MRTFB: variants seen among roughly 807,000 people sequenced by gnomAD.
MRTFB encodes the protein myocardin related transcription factor B.
Under a neutral mutation model 104.2 loss-of-function variants are expected in MRTFB, and 29 were observed. The observed-to-expected ratio is 0.28, with a 90% CI of 0.21 to 0.38. The LOEUF (loss-of-function observed/expected upper bound fraction) is 0.38. Among genes scored for constraint, MRTFB ranks in the 10% least tolerant of loss-of-function variants. MRTFB has a pLI of 1.00. For synonymous variants in MRTFB, 535 were observed against 519.5 expected (o/e 1.03, Z -0.41); for missense variants, 1,270 against 1,341.6 (o/e 0.95, Z 0.83).
chr16:14,129,547 C>G (rs139999793), intron 2 of MRTFB, among the ~76,000 whole-genome samples: 1 of 152,220 alleles, frequency 6.6e-6, no homozygotes, highest in African/African-American at 2.4e-5. Context: ...TTTTATTTCT[C>G]TTTGGTAGAT....
At chr16:14,097,562 T>A (rs1411394581) in intron 2 of MRTFB, among the ~76,000 whole-genome samples, 2 of 152,244 alleles carry the variant, frequency 1.3e-5, no homozygotes, top group African/African-American at 2.4e-5. Flanking sequence ...ACTGTTCTTT[T>A]TGTAAACAGC....
chr16:14,186,623 G>A, intron 3 of MRTFB: 2 of 1,052,620 alleles, frequency 1.9e-6, no homozygotes, highest in Non-Finnish European at 2.4e-6. Context: ...GGGAAAGGGG[G>A]CTGGCTGGGA....
In MRTFB at chr16:14,258,172, A is replaced by T; in HGVS notation, c.2764+11A>T. The T allele has an allele frequency of 6.2e-7, 1 of 1,611,932 alleles. No homozygotes were observed. The highest frequency in any genetic ancestry group is 1.3e-5 in the African/African-American group (1 of 75,016). Reference sequence around the variant, plus strand: ...TCATTAAGAGTGGAGGTAAGTCAAAAGTCACATCAGATCCTCCCAGGAAGT... The same window carrying T: ...TCATTAAGAGTGGAGGTAAGTCAAATGTCACATCAGATCCTCCCAGGAAGT... On this transcript the variant is annotated intron_variant, in intron 16 of 16. Transcript: ENST00000571589.
the MRTFB span, among the ~76,000 whole-genome samples, chr16:14,006,971 C>T: frequency 2.6e-5 from 4 of 151,956 alleles, no homozygotes; most frequent in South Asian, 4.2e-4. Context: ...GAGCTATGAT[C>T]GCACCACTGC....
the MRTFB span, among the ~76,000 whole-genome samples, chr16:14,052,838 C>G: frequency 6.6e-6 from 1 of 152,032 alleles, no homozygotes; most frequent in Admixed American, 6.6e-5. Flanking sequence ...TTCTTTCTAT[C>G]TAACTTTATG....
rs971377109 is a variant in MRTFB at position 14,232,687 on chromosome 16, G to A, written c.694-1459G>A. Among the ~76,000 whole-genome samples, 29 of 152,278 alleles carry A rather than the reference G, an allele frequency of 1.9e-4. No individual in the cohort carries two copies. The Middle Eastern group carries it at 0.014, about 71-fold the overall frequency. ...ATTAATTGCACACTCGCACACCCAC[G>A]GTCTCAGCGGGGCTTGAGAACGTGA... is the stretch of plus-strand genomic sequence containing the variant. On this transcript the variant is annotated intron_variant, in intron 8 of 16. Coordinates refer to ENST00000571589, the MANE Select transcript of MRTFB (RefSeq NM_001308142.2).
At chr16:14,181,660 A>G (rs2039774855) in intron 3 of MRTFB, among the ~76,000 whole-genome samples, 1 of 152,190 alleles carries the variant, frequency 6.6e-6, no homozygotes, top group Non-Finnish European at 1.5e-5. Context: ...ATGTTTTTAC[A>G]TTGTGAAACA....
At chr16:14,255,439 CTATGAAAACTGGAAG>C (rs2043437180) in intron 15 of MRTFB, among the ~76,000 whole-genome samples, 2 of 152,298 alleles carry the variant, frequency 1.3e-5, no homozygotes, top group South Asian at 4.1e-4. Flanking sequence ...TCATCAAAAA[CTATGAAAACTGGAAG>C]AGTGCAACAG....
intron 8 of MRTFB, among the ~76,000 whole-genome samples, chr16:14,226,112 G>C (rs924346678): frequency 6.6e-6 from 1 of 152,150 alleles, no homozygotes; most frequent in African/African-American, 2.4e-5. Context: ...GACATCCTGT[G>C]TTCATGGAAG....
At chr16:14,027,502 T>C in the MRTFB span, among the ~76,000 whole-genome samples, 1 of 152,190 alleles carries the variant, frequency 6.6e-6, no homozygotes, top group Non-Finnish European at 1.5e-5. Context: ...TTCAGAGTAC[T>C]GTATGCTAAA....
At chr16:14,129,461 G>C (rs1401118256) in intron 2 of MRTFB, among the ~76,000 whole-genome samples, 1 of 152,154 alleles carries the variant, frequency 6.6e-6, no homozygotes, top group Non-Finnish European at 1.5e-5. Flanking sequence ...ACTAGTTGAT[G>C]AACATTTAAT....
chr16:14,147,844 AATTAACACATTT>A (rs1430055344), intron 3 of MRTFB, among the ~76,000 whole-genome samples: 1 of 152,230 alleles, frequency 6.6e-6, no homozygotes, highest in African/African-American at 2.4e-5. Flanking sequence ...GAGGCATCAT[AATTAACACATTT>A]ATTAACAGTA....
the MRTFB span, among the ~76,000 whole-genome samples, chr16:14,058,712 GTTTTTTT>G: frequency 8.1e-5 from 7 of 86,848 alleles, no homozygotes; most frequent in African/African-American, 3.0e-4. Flanking sequence ...ATTTGTATTT[GTTTTTTT>G]TTTTTTTTTT....
chr16:14,180,582 A>C (rs1465398353), intron 3 of MRTFB, among the ~76,000 whole-genome samples: 1 of 152,200 alleles, frequency 6.6e-6, no homozygotes, highest in Non-Finnish European at 1.5e-5. Context: ...AAGTGTAGTC[A>C]GAACACTTGT....
At chr16:14,002,369 C>G in the MRTFB span, among the ~76,000 whole-genome samples, 6 of 150,048 alleles carry the variant, frequency 4.0e-5, no homozygotes, top group Admixed American at 4.0e-4. Flanking sequence ...GGTGACAGAG[C>G]AAGACTCCGT....
the MRTFB span, among the ~76,000 whole-genome samples, chr16:14,057,207 G>T: frequency 6.6e-6 from 1 of 152,132 alleles, no homozygotes; most frequent in South Asian, 2.1e-4. Flanking sequence ...GCCAAAAAAT[G>T]AGTCAGTTGA....
the MRTFB span, among the ~76,000 whole-genome samples, chr16:14,045,929 G>A: frequency 1.3e-5 from 2 of 152,148 alleles, no homozygotes; most frequent in East Asian, 3.9e-4. Context: ...TTGGTAAAGT[G>A]GTCTCAGCAG....
chr16:14,056,205 C>G, the MRTFB span, among the ~76,000 whole-genome samples: 4 of 152,156 alleles, frequency 2.6e-5, no homozygotes, highest in Non-Finnish European at 5.9e-5. Context: ...TCTTGAACTC[C>G]TGACCTCAAG....
At chr16:14,246,298 T>G (rs2043014385) in intron 11 of MRTFB, among the ~76,000 whole-genome samples, 175 bp from the exon 12 acceptor site, 1 of 152,206 alleles carries the variant, frequency 6.6e-6, no homozygotes, top group African/African-American at 2.4e-5. Flanking sequence ...CTCAAGTGCT[T>G]CTAGTCTGTA....
Sources: gnomAD v4.1 joint callset for allele counts (sites outside exome capture counted in the v4.1 genomes callset) on GRCh38, gnomAD v4.1.1 for gene constraint, MANE v1.5 for transcripts, NCBI Gene and HGNC (gene_info 2026-07-23, HGNC 2026-07-21) for gene names.